The following KCTD1 variants were observed in gnomAD, a reference collection of about 807,000 sequenced individuals.
KCTD1 encodes the protein potassium channel tetramerization domain containing 1.
KCTD1 carries 24 observed loss-of-function variants against 66.0 expected under a neutral mutation model. That is an observed-to-expected ratio of 0.36 (90% confidence interval 0.26 to 0.51). KCTD1 has a LOEUF of 0.51. Ranked by LOEUF, KCTD1 falls within the 20% of genes least tolerant of loss-of-function variation. KCTD1 has a pLI of 0.95. For missense variants in KCTD1, 943 were observed against 1,205.2 expected (o/e 0.78, Z 3.22); for synonymous variants, 511 against 517.2 (o/e 0.99, Z 0.16).
chr18:26,581,234 C>G (rs1986346019), intron 1 of KCTD1: 1 of 152,126 alleles, frequency 6.6e-6, no homozygotes, highest in South Asian at 2.1e-4. Flanking sequence ...AAGTGCAGAC[C>G]TGTGTCTGTT....
At chr18:26,576,538 C>T (rs1365743709) in intron 1 of KCTD1, among the ~76,000 whole-genome samples, 1 of 152,104 alleles carries the variant, frequency 6.6e-6, no homozygotes, top group East Asian at 1.9e-4. Flanking sequence ...ATACATGTTC[C>T]TAGCAGCCAT....
chr18:26,568,358 T>C (rs916222453), intron 1 of KCTD1, among the ~76,000 whole-genome samples: 21 of 152,072 alleles, frequency 1.4e-4, no homozygotes, highest in Non-Finnish European at 2.9e-4. Flanking sequence ...CATCTCAGCC[T>C]CTTGAGTACC....
chr18:26,547,070 C>A lies in KCTD1; in HGVS notation c.1467G>T (p.Arg489=). 1 of 1,522,582 alleles carries A rather than the reference C, an allele frequency of 6.6e-7. No individual in the cohort carries two copies. The highest frequency in any genetic ancestry group is 8.8e-7 in the Non-Finnish European group (1 of 1,134,730). The allele number at this position is 1,522,582 out of a possible 1,614,324, so 94.3% of individuals were successfully genotyped here. The change falls in exon 1 of 5, where the codon CGG becomes CGT. Residue 489 remains arginine (R), a synonymous_variant. Transcript: ENST00000580059. The stretch of plus-strand genomic sequence containing the variant: ...GGGTGGGGGGGTGGTGGGAGTGGTG[C>A]CGTGCCGCCCCGTTCAGAGCCTCGG... ...CYAEALNGAA[R]HHSHHPPTHP...
At chr18:26,646,421 G>A (rs544697460) in intron 1 of KCTD1, among the ~76,000 whole-genome samples, 107 of 152,280 alleles carry the variant, frequency 7.0e-4, no homozygotes, top group Middle Eastern at 6.8e-3. Context: ...AAGATAGAGC[G>A]TATATAAACT....
chr18:26,532,409 A>G (rs2144779867), intron 1 of KCTD1, among the ~76,000 whole-genome samples: 1 of 151,308 alleles, frequency 6.6e-6, no homozygotes, highest in Admixed American at 6.6e-5. Flanking sequence ...GAGTACAGAC[A>G]TGCACTCCCA....
intron 1 of KCTD1, among the ~76,000 whole-genome samples, chr18:26,506,765 A>C (rs1598904480): frequency 6.6e-6 from 1 of 152,248 alleles, no homozygotes; most frequent in Non-Finnish European, 1.5e-5. Context: ...TCTGCAGTAC[A>C]GGAGATGCTC....
intron 1 of KCTD1, among the ~76,000 whole-genome samples, chr18:26,534,274 GAGAAC>G (rs1217022826): frequency 6.6e-6 from 1 of 152,010 alleles, no homozygotes; most frequent in Non-Finnish European, 1.5e-5. Flanking sequence ...GCATAAAGGA[GAGAAC>G]AGAAGTTTGT....
chr18:26,549,498 G>T, upstream of KCTD1: 1 of 969,152 alleles, frequency 1.0e-6, no homozygotes, highest in Non-Finnish European at 1.2e-6. Flanking sequence ...GGAGACGAGG[G>T]AAGAGGCGCT....
intron 1 of KCTD1, among the ~76,000 whole-genome samples, chr18:26,602,518 G>A (rs1217557747): frequency 6.6e-6 from 1 of 152,126 alleles, no homozygotes; most frequent in Non-Finnish European, 1.5e-5. Flanking sequence ...TTTATGCTTA[G>A]GCATAACAAG....
chr18:26,656,041 G>C (rs959863758), intron 1 of KCTD1, among the ~76,000 whole-genome samples: 1 of 152,140 alleles, frequency 6.6e-6, no homozygotes, highest in Admixed American at 6.5e-5. Context: ...GAGTGGGTAG[G>C]GGGGCGGCGG....
chr18:26,518,183 C>T (rs1598913086), intron 1 of KCTD1, among the ~76,000 whole-genome samples: 1 of 152,214 alleles, frequency 6.6e-6, no homozygotes, highest in Non-Finnish European at 1.5e-5. Context: ...CCATCTTTCA[C>T]CTTCCTTCAC....
chr18:26,522,427 A>T (rs1488161857), intron 1 of KCTD1, among the ~76,000 whole-genome samples: 1 of 152,236 alleles, frequency 6.6e-6, no homozygotes, highest in Non-Finnish European at 1.5e-5. Context: ...CACAGCCCTC[A>T]GATGGAACCA....
chr18:26,595,629 T>A (rs1478195514), intron 1 of KCTD1, among the ~76,000 whole-genome samples: 4 of 152,216 alleles, frequency 2.6e-5, no homozygotes, highest in African/African-American at 9.6e-5. Context: ...GTGCCCTGCA[T>A]TGTGCCACCA....
intron 1 of KCTD1, among the ~76,000 whole-genome samples, chr18:26,536,940 C>T (rs573356882): frequency 7.3e-5 from 11 of 150,502 alleles, no homozygotes; most frequent in African/African-American, 2.2e-4. Context: ...AAAAAACCCA[C>T]GAGACACATT....
intron 1 of KCTD1, among the ~76,000 whole-genome samples, chr18:26,526,133 T>TG (rs1254011095): frequency 6.6e-6 from 1 of 151,512 alleles, no homozygotes; most frequent in African/African-American, 2.4e-5. Context: ...TCTTCTGGGT[T>TG]GAAAAAAAAA....
chr18:26,455,919 A>G lies in KCTD1; in HGVS notation c.2440-18T>C. On this transcript the variant is annotated intron_variant, in intron 4 of 4. Transcript: ENST00000580059. ...TCGAGGACCTGCGAGGGAACAAGAC[A>G]AGCATCCAGTTAGGGGTGAGGTAAG... 1 of 1,609,794 alleles carries G rather than the reference A, an allele frequency of 6.2e-7. No homozygotes were observed. Among genetic ancestry groups the G allele is most frequent in the Non-Finnish European group, 8.5e-7 (1 of 1,176,942 alleles).
At chr18:26,532,623 T>A (rs1159980024) in intron 1 of KCTD1, among the ~76,000 whole-genome samples, 2 of 152,216 alleles carry the variant, frequency 1.3e-5, no homozygotes, top group Admixed American at 6.5e-5. Context: ...CGCCATCTCC[T>A]CACCTGTGAT....
At chr18:26,605,758 A>G (rs147664540) in intron 1 of KCTD1, among the ~76,000 whole-genome samples, 10,817 of 144,470 alleles carry the variant, frequency 0.075, 399 homozygotes, top group Admixed American at 0.098. Context: ...CTATCTATCT[A>G]TCTATCTATC....
intron 2 of KCTD1, among the ~76,000 whole-genome samples, chr18:26,496,292 A>G (rs1982468138): frequency 6.6e-6 from 1 of 152,214 alleles, no homozygotes; most frequent in African/African-American, 2.4e-5. Flanking sequence ...ATTAAACAAA[A>G]TATGTTCTAT....
Sources: allele counts gnomAD v4.1 joint callset (sites outside exome capture counted in the v4.1 genomes callset), GRCh38; gene constraint gnomAD v4.1.1; transcripts MANE v1.5; gene names NCBI Gene and HGNC (gene_info 2026-07-23, HGNC 2026-07-21).